Variants in PDE1C observed in about 807,000 individuals in gnomAD.
PDE1C encodes dual specificity calcium/calmodulin-dependent 3',5'-cyclic nucleotide phosphodiesterase 1C.
PDE1C carries 62 observed loss-of-function variants against 93.1 expected under a neutral mutation model. The ratio of observed to expected loss-of-function variants is 0.67; its 90% CI spans 0.54 to 0.82. PDE1C has a LOEUF of 0.82. PDE1C is among the 40% of genes least tolerant of loss of function. The pLI is 0.00. For missense variants in PDE1C, 742 were observed against 884.6 expected (o/e 0.84, Z 2.04); for synonymous variants, 325 against 310.1 (o/e 1.05, Z -0.50).
intron 3 of PDE1C, among the ~76,000 whole-genome samples, chr7:32,086,087 T>C (rs1341226263): frequency 1.3e-5 from 2 of 151,288 alleles, no homozygotes; most frequent in Admixed American, 6.6e-5. Context: ...GATGACATGA[T>C]TGTATATCTA....
At chr7:31,877,021 A>G (rs1796684727) in intron 5 of PDE1C, among the ~76,000 whole-genome samples, 1 of 152,176 alleles carries the variant, frequency 6.6e-6, no homozygotes, top group Admixed American at 6.5e-5. Flanking sequence ...AACTCCATGA[A>G]TAGGTAATTT....
chr7:31,663,528 A>G, the PDE1C span, among the ~76,000 whole-genome samples: 1 of 152,238 alleles, frequency 6.6e-6, no homozygotes, highest in African/African-American at 2.4e-5. Context: ...ATCGGAGGAT[A>G]TAAAAAAGCA....
the PDE1C span, among the ~76,000 whole-genome samples, chr7:31,656,712 G>A: frequency 1.3e-5 from 2 of 152,088 alleles, no homozygotes; most frequent in East Asian, 1.9e-4. Context: ...ATTTGTGGAC[G>A]GTTTTGACAG....
At chr7:31,777,702 A>G (rs925022750) in intron 16 of PDE1C, among the ~76,000 whole-genome samples, 3 of 152,186 alleles carry the variant, frequency 2.0e-5, no homozygotes, top group Non-Finnish European at 2.9e-5. Flanking sequence ...AACAAATGTT[A>G]TTGTTAATCA....
chr7:31,722,063 A>G, the PDE1C span, among the ~76,000 whole-genome samples: 1 of 152,138 alleles, frequency 6.6e-6, no homozygotes, highest in Non-Finnish European at 1.5e-5. Context: ...CTCTCTTCTG[A>G]TAAGGGCTTT....
chr7:32,364,644 T>C (rs1225698573), intron 1 of PDE1C, among the ~76,000 whole-genome samples: 4 of 152,192 alleles, frequency 2.6e-5, no homozygotes, highest in Non-Finnish European at 5.9e-5. Context: ...TCACTCCAGA[T>C]GAGGCGCACA....
chr7:32,236,090 C>CTA (rs1808055393), intron 1 of PDE1C, among the ~76,000 whole-genome samples: 1 of 151,402 alleles, frequency 6.6e-6, no homozygotes, highest in Admixed American at 6.6e-5. Context: ...ATCCATATAC[C>CTA]AAAAAAAATT....
At chr7:32,103,041 G>A (rs1798113723) in intron 3 of PDE1C, among the ~76,000 whole-genome samples, 2 of 152,164 alleles carry the variant, frequency 1.3e-5, no homozygotes, top group African/African-American at 4.8e-5. Context: ...ACAAATAAGG[G>A]AGAATTCCTT....
intron 1 of PDE1C, among the ~76,000 whole-genome samples, chr7:32,357,706 C>G (rs1156256690): frequency 6.6e-6 from 1 of 152,160 alleles, no homozygotes; most frequent in Non-Finnish European, 1.5e-5. Context: ...GACCTAACAC[C>G]AGCATTTCTT....
intron 1 of PDE1C, among the ~76,000 whole-genome samples, chr7:32,355,824 A>G (rs988344451): frequency 6.6e-5 from 10 of 152,218 alleles, no homozygotes; most frequent in African/African-American, 1.2e-4. Flanking sequence ...AATGCAATAC[A>G]TACTCTCTGA....
Position 32,402,911 on chromosome 7 carries a change from G to T in PDE1C, c.310+24911C>A, listed in dbSNP as rs574031985. On this transcript the variant is annotated intron_variant, in intron 1 of 1. Transcript: ENST00000672256. ...TGGGCCCTGTCTGACCAAAGAAAGT[G>T]CTATGAGAAGGTGCCCCAACAAGGA... Among the ~76,000 whole-genome samples, 7 of 152,288 alleles carry T rather than the reference G, an allele frequency of 4.6e-5. No individual in the cohort carries two copies. The East Asian group carries it at 1.4e-3, about 29-fold the overall frequency.
At chr7:32,120,667 C>T (rs1799248197) in intron 3 of PDE1C, among the ~76,000 whole-genome samples, 2 of 149,778 alleles carry the variant, frequency 1.3e-5, no homozygotes, top group Admixed American at 1.3e-4. Flanking sequence ...GAAAGAAAAA[C>T]AAACAAACAG....
At chr7:32,367,167 T>C (rs1784244105) in intron 1 of PDE1C, among the ~76,000 whole-genome samples, 1 of 152,140 alleles carries the variant, frequency 6.6e-6, no homozygotes, top group Non-Finnish European at 1.5e-5. Context: ...AGACCAGCCT[T>C]ACAGGGAATG....
At chr7:32,343,446 C>T (rs1055647234) in intron 1 of PDE1C, among the ~76,000 whole-genome samples, 1 of 152,134 alleles carries the variant, frequency 6.6e-6, no homozygotes, top group Non-Finnish European at 1.5e-5. Flanking sequence ...ATACAAAACA[C>T]CAAAGGTGAG....
At chr7:32,239,367 CA>C (rs1202774352) in intron 1 of PDE1C, among the ~76,000 whole-genome samples, 1 of 152,004 alleles carries the variant, frequency 6.6e-6, no homozygotes. Context: ...CACTCCAGCC[CA>C]AAAGACAGAA....
intron 7 of PDE1C, among the ~76,000 whole-genome samples, chr7:31,857,228 T>C (rs903508089): frequency 3.9e-5 from 6 of 152,224 alleles, no homozygotes; most frequent in African/African-American, 1.2e-4. Flanking sequence ...TAGAGATTTA[T>C]CTTCCTTAAA....
chr7:31,913,794 G>A lies in PDE1C; in HGVS notation c.129-32934C>T, dbSNP rs372260846. 4.6e-5 allele frequency among the ~76,000 whole-genome samples: 7 copies of A among 152,206 alleles called. No individual in the cohort carries two copies. The East Asian group carries it at 9.7e-4, about 21-fold the overall frequency. On this transcript the variant is annotated intron_variant, in intron 2 of 17. Coordinates refer to ENST00000396191, the MANE Select transcript of PDE1C (RefSeq NM_001191057.4). ...TCTCCAATCCCAGCCTCACAAAACC[G>A]GTTCAGCTATAGCTACTGAACGGCA... is the stretch of plus-strand genomic sequence containing the variant.
intron 9 of PDE1C, among the ~76,000 whole-genome samples, chr7:31,843,901 T>C (rs779392955): frequency 1.3e-5 from 2 of 151,886 alleles, no homozygotes; most frequent in Non-Finnish European, 2.9e-5. Context: ...TTATGGTTAA[T>C]CTTTTTAGTG....
At chr7:32,063,584 G>A (rs1209916507) in intron 1 of PDE1C, among the ~76,000 whole-genome samples, 5 of 152,198 alleles carry the variant, frequency 3.3e-5, no homozygotes, top group Non-Finnish European at 7.3e-5. Context: ...ATAATCAAGT[G>A]ATGATGTACT....
Sources: allele counts gnomAD v4.1 joint callset (sites outside exome capture counted in the v4.1 genomes callset), GRCh38; gene constraint gnomAD v4.1.1; transcripts MANE v1.5; gene names NCBI Gene and HGNC (gene_info 2026-07-23, HGNC 2026-07-21).